The following MVB12A variants were observed in gnomAD, a reference collection of about 807,000 sequenced individuals.
MVB12A encodes CIN85/CD2AP family binding protein.
MVB12A carries 30 observed loss-of-function variants against 34.3 expected under a neutral mutation model. The observed-to-expected ratio is 0.88, with a 90% CI of 0.65 to 1.19. The LOEUF (loss-of-function observed/expected upper bound fraction) is 1.19. Ranked by LOEUF, MVB12A falls within the 50% of genes most tolerant of loss-of-function variation. MVB12A has a pLI of 0.00. For missense variants in MVB12A, 355 were observed against 369.2 expected (o/e 0.96, Z 0.31); for synonymous variants, 158 against 158.9 (o/e 0.99, Z 0.04).
chr19:17,413,730 A>C (rs1314381902), intron 2 of MVB12A, among the ~76,000 whole-genome samples: 2 of 152,024 alleles, frequency 1.3e-5, no homozygotes, highest in Non-Finnish European at 2.9e-5. Context: ...AACCAATACA[A>C]ACAACAACAA....
chr19:17,407,739 G>A (rs1313415123), intron 2 of MVB12A, among the ~76,000 whole-genome samples: 3 of 152,182 alleles, frequency 2.0e-5, no homozygotes, highest in Admixed American at 6.5e-5. Flanking sequence ...GATAACCGCG[G>A]GCGAGCCTGA....
rs756470549 is a variant in MVB12A at position 17,424,031 on chromosome 19, C to T, written c.666C>T (p.Leu222=). 2 of 1,614,044 alleles carry T rather than the reference C, an allele frequency of 1.2e-6. No homozygotes were observed. The highest frequency in any genetic ancestry group is 1.7e-6 in the Non-Finnish European group (2 of 1,180,044). ...CCATGGATGGGGTTCCCTTCACACT[C>T]CACCCACGATTTGAGGGCAAGAGCT... ...ISAMDGVPFT[L]HPRFEGKSCS... is the part of the protein sequence containing the mutation. The change falls in exon 7 of 9, where the codon CTC becomes CTT. Residue 222 remains leucine (L), a synonymous_variant. Coordinates refer to ENST00000317040, the MANE Select transcript of MVB12A (RefSeq NM_138401.4).
Position 17,425,010 on chromosome 19 carries a change from G to A in MVB12A, c.*17G>A, listed in dbSNP as rs2074862342. On this transcript the variant is annotated 3_prime_UTR_variant, in exon 9 of 9. Transcript: ENST00000317040. ...GTCTCATAGTCCCTCACCCTTCCGC[G>A]GAAAGAGCCCCCTTACTCCACCTCC... 1.3e-6 allele frequency: 2 copies of A among 1,557,386 alleles called. No homozygotes were observed. Among genetic ancestry groups the A allele is most frequent in the African/African-American group, 2.7e-5 (2 of 73,288 alleles).
At chr19:17,424,547 G>A (rs2074858001) in intron 7 of MVB12A, 74 bp from the exon 8 acceptor site, 1 of 1,460,620 alleles carries the variant, frequency 6.8e-7, no homozygotes, top group Admixed American at 1.9e-5. Flanking sequence ...GGGAGGGCAG[G>A]ACCCCTTGAA....
chr19:17,420,036 T>G (rs2074826909), upstream of MVB12A: 129 of 291,074 alleles, frequency 4.4e-4, no homozygotes, highest in East Asian at 8.0e-4. Flanking sequence ...CCGCATGGCC[T>G]TCTGGGAGTT....
At position 17,420,296 on chromosome 19, in the gene MVB12A, C is replaced by T. The variant is rs369154468; in HGVS notation, c.91-17C>T. On this transcript the variant is annotated splice_polypyrimidine_tract_variant and intron_variant, in intron 1 of 8. Transcript: ENST00000317040. ...TGTGGGGTGGGAGTCCGGCGCTGAC[C>T]CGCGTCCTCCCGGTAGATCTCCTGC... The T allele has an allele frequency of 4.4e-6, 7 of 1,579,740 alleles. No individual in the cohort carries two copies. The highest frequency in any genetic ancestry group is 6.0e-6 in the Non-Finnish European group (7 of 1,162,454).
At chr19:17,416,412 CTTTTT>C (rs555309319), upstream of MVB12A, among the ~76,000 whole-genome samples, 5 of 129,546 alleles carry the variant, frequency 3.9e-5, no homozygotes, top group Admixed American at 3.1e-4. Flanking sequence ...GCCCAGCCTG[CTTTTT>C]TTTTTTTTTT....
upstream of MVB12A, chr19:17,417,163 G>T (rs960094344): frequency 9.5e-6 from 2 of 211,590 alleles, no homozygotes; most frequent in East Asian, 1.1e-4. Flanking sequence ...CCTTAGTGAC[G>T]TCAACCTGCT....
At position 17,423,752 on chromosome 19, in the gene MVB12A, G is replaced by A. The variant is rs759434095; in HGVS notation, c.593G>A (p.Arg198Gln). 5.1e-5 allele frequency: 82 copies of A among 1,613,892 alleles called. No homozygotes were observed. The highest frequency in any genetic ancestry group is 5.3e-5 in the Non-Finnish European group (62 of 1,179,958). ...CTGGGCTCTCGGGCATCCACTCTGC[G>A]GAGGAATGACTCCATCTACGAGGCC... ...SRLGSRASTL[R>Q]RNDSIYEASS... The change falls in exon 6 of 9, where the codon CGG (arginine) becomes CAG (glutamine). Residue 198 changes from arginine to glutamine, a missense_variant. Transcript: ENST00000317040.
upstream of MVB12A, chr19:17,417,899 T>TC: frequency 4.0e-6 from 1 of 248,498 alleles, no homozygotes; most frequent in South Asian, 3.3e-5. Flanking sequence ...TTCTTCTTCT[T>TC]CCTTTTTTTT....
chr19:17,418,993 C>T (rs2074819279), upstream of MVB12A: 1 of 150,550 alleles, frequency 6.6e-6, no homozygotes, highest in Middle Eastern at 3.4e-3. Flanking sequence ...GATAAGATCC[C>T]TAAATCACCA....
intron 2 of MVB12A, among the ~76,000 whole-genome samples, chr19:17,410,927 C>CA (rs777154734): frequency 0.69 from 59,574 of 86,356 alleles, 20,356 homozygotes; most frequent in Non-Finnish European, 0.79. Context: ...GACTCTGTCT[C>CA]AAAAAAAAAA....
chr19:17,424,508 G>A, intron 7 of MVB12A, 113 bp from the exon 8 acceptor site: 1 of 1,104,668 alleles, frequency 9.1e-7, no homozygotes, highest in East Asian at 2.6e-5. Flanking sequence ...GGGGAGGGAT[G>A]TCCGAGGGAA....
chr19:17,421,651 C>T (rs1262223247), intron 3 of MVB12A, among the ~76,000 whole-genome samples: 1 of 151,922 alleles, frequency 6.6e-6, no homozygotes, highest in African/African-American at 2.4e-5. Context: ...TGTATGAAAC[C>T]AGGCCTTAGG....
At position 17,422,330 on chromosome 19, in the gene MVB12A, A is replaced by AGAGGCCT; in HGVS notation, c.287-1_292dup. 6.4e-7 allele frequency: 1 copy of AGAGGCCT among 1,570,084 alleles called. No homozygotes were observed. ...TCTCACTCCCCTACCCCCCACTCCCAGAGGCCTCTGTGTCCAAGAAGAAAC... is the reference window on the plus strand; with the variant it reads ...TCTCACTCCCCTACCCCCCACTCCCAGAGGCCTGAGGCCTCTGTGTCCAAGAAGAAAC... On this transcript the variant is annotated splice_acceptor_variant, in intron 3 of 8. Transcript: ENST00000317040. LOFTEE classifies it high-confidence loss of function.
Position 17,424,989 on chromosome 19 carries a change from C to T in MVB12A, c.818C>T (p.Ser273Leu). 3 of 1,606,036 alleles carry T rather than the reference C, an allele frequency of 1.9e-6. No homozygotes were observed. Among genetic ancestry groups the T allele is most frequent in the Non-Finnish European group, 2.6e-6 (3 of 1,174,570 alleles). ...TAAARLPPSV[S>L] ...GCTGCCCGCCTGCCCCCCAGCGTCTCATAGTCCCTCACCCTTCCGCGGAAA... is the reference window on the plus strand; with the variant it reads ...GCTGCCCGCCTGCCCCCCAGCGTCTTATAGTCCCTCACCCTTCCGCGGAAA... Residue 273 changes from serine (S) to leucine (L), a missense_variant, in exon 9 of 9, where the codon TCA becomes TTA. Ser to Leu is a moderately radical substitution (Grantham distance 145). Coordinates refer to ENST00000317040, the MANE Select transcript of MVB12A (RefSeq NM_138401.4).
At chr19:17,411,050 C>T (rs948909687) in intron 2 of MVB12A, among the ~76,000 whole-genome samples, 3 of 151,232 alleles carry the variant, frequency 2.0e-5, no homozygotes, top group African/African-American at 7.3e-5. Context: ...CTCACTGCAA[C>T]CTCCAACTCC....
upstream of MVB12A, chr19:17,415,133 CTATTTTAACCTT>C (rs2074790906): frequency 1.2e-5 from 1 of 84,222 alleles, no homozygotes; most frequent in South Asian, 4.3e-4. Flanking sequence ...TTTACTAACC[CTATTTTAACCTT>C]GTTTTTACTA....
chr19:17,424,040 A>G lies in MVB12A; in HGVS notation c.675A>G (p.Arg225=). Residue 225 remains arginine (R), a synonymous_variant, in exon 7 of 9, where the codon CGA becomes CGG. Transcript: ENST00000317040. ...MDGVPFTLHP[R]FEGKSCSPLA... ...GGGTTCCCTTCACACTCCACCCACGATTTGAGGGCAAGAGCTGCAGCCCCC... is the reference window on the plus strand; with the variant it reads ...GGGTTCCCTTCACACTCCACCCACGGTTTGAGGGCAAGAGCTGCAGCCCCC... 2.5e-6 allele frequency: 4 copies of G among 1,614,082 alleles called. No individual in the cohort carries two copies. The highest frequency in any genetic ancestry group is 3.4e-6 in the Non-Finnish European group (4 of 1,180,002).
Sources: allele counts gnomAD v4.1 joint callset (sites outside exome capture counted in the v4.1 genomes callset), GRCh38; gene constraint gnomAD v4.1.1; transcripts MANE v1.5; gene names NCBI Gene and HGNC (gene_info 2026-07-23, HGNC 2026-07-21).